The following MRO variants were observed in gnomAD, a reference collection of about 807,000 sequenced individuals.
MRO encodes protein maestro.
In MRO, 28 loss-of-function variants were observed where a neutral mutation model predicts 31.0. That is an observed-to-expected ratio of 0.90 (90% CI 0.67 to 1.24). The LOEUF (loss-of-function observed/expected upper bound fraction) is 1.24, where lower values mean the gene tolerates loss of function less well. Ranked by LOEUF, MRO falls within the 50% of genes most tolerant of loss-of-function variation. The probability of loss-of-function intolerance (pLI) is 0.00; values close to 1 mark genes in which losing one functional copy is unlikely to be tolerated. For synonymous variants in MRO, 108 were observed against 108.4 expected, an observed-to-expected ratio of 1.00 and a Z score of 0.02; for missense variants, 332 against 289.2, an observed-to-expected ratio of 1.15 and a Z score of -1.07.
At chr18:50,815,185 G>A (rs764883057) in intron 2 of MRO, 7 of 192,242 alleles carry the variant, frequency 3.6e-5, no homozygotes, top group Admixed American at 2.6e-4. Context: ...GATATACCAC[G>A]CCATTAATGG....
chr18:50,821,010 G>C (rs1428002665), upstream of MRO, among the ~76,000 whole-genome samples: 4 of 152,200 alleles, frequency 2.6e-5, no homozygotes, highest in Non-Finnish European at 4.4e-5. Context: ...AATTTCAATA[G>C]AGTGACAGAG....
intron 4 of MRO, among the ~76,000 whole-genome samples, chr18:50,806,051 G>A (rs1913889376): frequency 6.6e-6 from 1 of 151,728 alleles, no homozygotes; most frequent in Admixed American, 6.6e-5. Context: ...AGCCTCCCGA[G>A]TAGCTGAGAT....
rs34996472 is a variant in MRO at position 50,798,929 on chromosome 18, C to CAAAAAA, written c.*407_*408insTTTTTT. The stretch of plus-strand genomic sequence containing the variant: ...ACACTAAAAAAAAACAAAACAACAA[C>CAAAAAA]AACAAAAAAACAAAAAAACGCTTAA... On this transcript the variant is annotated 3_prime_UTR_variant, in exon 8 of 8. Transcript: ENST00000398439. The CAAAAAA allele has an allele frequency of 6.7e-6, 1 of 149,244 alleles. No individual in the cohort carries two copies. 9.2% of individuals were successfully genotyped at this position (149,244 alleles called of 1,614,324 possible).
In MRO at chr18:50,799,158, T is replaced by G; in HGVS notation, c.*179A>C. On this transcript the variant is annotated 3_prime_UTR_variant, in exon 8 of 8. Transcript: ENST00000398439. ...GTGAAAGCAGTCTAGAATTTTACTT[T>G]AGATAAAATCATACAATTCCATGTA... 1.7e-6 allele frequency: 1 copy of G among 579,544 alleles called. No individual in the cohort carries two copies. Among genetic ancestry groups the G allele is most frequent in the Non-Finnish European group, 3.1e-6 (1 of 321,706 alleles). The allele number at this position is 579,544 out of a possible 1,614,324, so 35.9% of individuals were successfully genotyped here. A position where few individuals can be genotyped will look rare whatever the true frequency, so the allele number is the denominator to read the frequency against.
At position 50,799,176 on chromosome 18, in the gene MRO, T is replaced by A; in HGVS notation, c.*161A>T. 1.6e-6 allele frequency: 1 copy of A among 615,492 alleles called. No homozygotes were observed. The highest frequency in any genetic ancestry group is 1.9e-5 in the South Asian group (1 of 51,400). 38.1% of individuals were successfully genotyped at this position (615,492 alleles called of 1,614,324 possible). ...TTTACTTTAGATAAAATCATACAAT[T>A]CCATGTATTATTTTTGCCTTTGATT... On this transcript the variant is annotated 3_prime_UTR_variant, in exon 8 of 8. Coordinates refer to ENST00000398439, the MANE Select transcript of MRO (RefSeq NM_031939.6).
intron 2 of MRO, chr18:50,816,017 G>C (rs1454594604): frequency 6.6e-6 from 1 of 152,614 alleles, no homozygotes; most frequent in Non-Finnish European, 1.5e-5. Flanking sequence ...ATGGGGGGTA[G>C]AGTGAGACTC....
At chr18:50,804,255 T>C (rs2586777) in intron 5 of MRO, among the ~76,000 whole-genome samples, 46,905 of 152,134 alleles carry the variant, frequency 0.31, 8,038 homozygotes, top group Non-Finnish European at 0.39. Flanking sequence ...TATTGCCACA[T>C]TTATAAGACA....
intron 4 of MRO, 120 bp downstream of exon 4, chr18:50,806,584 T>C: frequency 1.6e-6 from 2 of 1,243,880 alleles, no homozygotes; most frequent in South Asian, 2.8e-5. Flanking sequence ...TGTGCGGTGG[T>C]TTGTTCCGGG....
chr18:50,799,977 G>T, intron 7 of MRO, 59 bp downstream of exon 7: 1 of 1,232,252 alleles, frequency 8.1e-7, no homozygotes, highest in Non-Finnish European at 1.2e-6. Context: ...CACCTTCCGT[G>T]TTAACCACCA....
intron 3 of MRO, among the ~76,000 whole-genome samples, chr18:50,808,089 A>C (rs1914115567): frequency 1.3e-5 from 2 of 152,084 alleles, no homozygotes. Flanking sequence ...TCTGTCTCAA[A>C]AACAAACAAA....
At position 50,796,398 on chromosome 18, in the gene MRO, T is replaced by TAAA. The variant is rs10681213; in HGVS notation, c.*2936_*2938dup. The TAAA allele has an allele frequency of 1.1e-3, 162 of 148,178 alleles. 1 individual carries two copies. The highest frequency in any genetic ancestry group is 5.7e-3 in the East Asian group (29 of 5,102). 9.2% of individuals were successfully genotyped at this position (148,178 alleles called of 1,614,324 possible). A position where few individuals can be genotyped will look rare whatever the true frequency, so the allele number is the denominator to read the frequency against. On this transcript the variant is annotated 3_prime_UTR_variant, in exon 8 of 8. Coordinates refer to ENST00000398439, the MANE Select transcript of MRO (RefSeq NM_031939.6). ...CTTCTGTAGTTTCAATCTAACAGGA[T>TAAA]AAAAAAAAAAACATAAAGCCATATA...
At position 50,818,515 on chromosome 18, in the gene MRO, A is replaced by G. The variant is rs553333041; in HGVS notation, c.-5+1066T>C. On this transcript the variant is annotated intron_variant, in intron 2 of 7. Transcript: ENST00000398439. ...CTCTACCTGATCTTACTGAAGATAC[A>G]TGGATTTGGGGTAACTTAGAAGACT... Among the ~76,000 whole-genome samples the G allele has an allele frequency of 1.6e-4, 24 of 152,280 alleles. No homozygotes were observed. In the East Asian group the frequency reaches 2.1e-3, roughly 14 times the overall value.
chr18:50,799,416 G>C lies in MRO; in HGVS notation c.694-26C>G, dbSNP rs147308965. On this transcript the variant is annotated intron_variant, in intron 7 of 7. Coordinates refer to ENST00000398439, the MANE Select transcript of MRO (RefSeq NM_031939.6). ...CTGAAAGAAATTAGCAAAGGTACGC[G>C]TGAGGGCAGGATTCAACAAACTTCC... is the stretch of plus-strand genomic sequence containing the variant. The C allele has an allele frequency of 1.2e-3, 1,960 of 1,606,634 alleles. 17 individuals are homozygous for C. In the African/African-American group the frequency reaches 0.023, roughly 19 times the overall value.
At chr18:50,801,677 G>A (rs1314726928) in intron 5 of MRO, among the ~76,000 whole-genome samples, 173 bp from the exon 6 acceptor site, 1 of 151,978 alleles carries the variant, frequency 6.6e-6, no homozygotes, top group Non-Finnish European at 1.5e-5. Context: ...CTGGTCTAAA[G>A]CACTTAGCTG....
chr18:50,809,192 C>T (rs1049571155), intron 3 of MRO, 110 bp downstream of exon 3: 9 of 369,376 alleles, frequency 2.4e-5, no homozygotes, highest in Admixed American at 4.3e-5. Context: ...AAAGTTTTTT[C>T]AGAAGGAACT....
At chr18:50,821,927 A>G (rs1469245461), upstream of MRO, among the ~76,000 whole-genome samples, 2 of 152,206 alleles carry the variant, frequency 1.3e-5, no homozygotes, top group Non-Finnish European at 2.9e-5. Flanking sequence ...AGAGAATCCC[A>G]GACACAGCAC....
At position 50,807,029 on chromosome 18, in the gene MRO, G is replaced by A. The variant is rs35993020; in HGVS notation, c.100-179C>T. ...GTACTCATTTGGTCTACATAACGAAGAAATTGATGGAGAAAGAGGGCAATA... is the reference window on the plus strand; with the variant it reads ...GTACTCATTTGGTCTACATAACGAAAAAATTGATGGAGAAAGAGGGCAATA... On this transcript the variant is annotated intron_variant, in intron 3 of 7. Transcript: ENST00000398439. Among the ~76,000 whole-genome samples, 1,107 of 152,254 alleles carry A rather than the reference G, an allele frequency of 7.3e-3. 12 individuals carry two copies. The highest frequency in any genetic ancestry group is 0.012 in the Non-Finnish European group (806 of 68,030).
chr18:50,802,570 G>A (rs1317360118), intron 5 of MRO, among the ~76,000 whole-genome samples: 1 of 152,160 alleles, frequency 6.6e-6, no homozygotes, highest in Non-Finnish European at 1.5e-5. Flanking sequence ...GAGGGCTGGG[G>A]TGGGCCTTCA....
At chr18:50,824,556 G>A (rs1915434699), upstream of MRO, among the ~76,000 whole-genome samples, 1 of 149,688 alleles carries the variant, frequency 6.7e-6, no homozygotes, top group Non-Finnish European at 1.5e-5. Context: ...CCGGGTTCAA[G>A]CAATTTTCCT....
Sources: allele counts gnomAD v4.1 joint callset (sites outside exome capture counted in the v4.1 genomes callset), GRCh38; gene constraint gnomAD v4.1.1; transcripts MANE v1.5; gene names NCBI Gene and HGNC (gene_info 2026-07-23, HGNC 2026-07-21).